NCALD: variants seen among roughly 807,000 people sequenced by gnomAD.
The protein encoded by NCALD is neurocalcin-delta.
A neutral mutation model predicts 18.6 loss-of-function variants in NCALD; 10 were observed. The observed-to-expected ratio is 0.54, with a 90% CI of 0.33 to 0.91. The LOEUF (loss-of-function observed/expected upper bound fraction) is 0.91, where lower values mean the gene tolerates loss of function less well. Ranked by LOEUF, NCALD falls within the 40% of genes least tolerant of loss-of-function variation. The pLI, the probability that NCALD is intolerant of heterozygous loss-of-function variation, is 0.03. For synonymous variants in NCALD, 88 were observed against 87.4 expected (o/e 1.01, Z -0.04); for missense variants, 184 against 247.6 (o/e 0.74, Z 1.72).
intron 2 of NCALD, among the ~76,000 whole-genome samples, chr8:101,706,333 A>G (rs1586255788): frequency 6.7e-6 from 1 of 149,230 alleles, no homozygotes; most frequent in African/African-American, 2.5e-5. Flanking sequence ...AAAAAAAGGG[A>G]GTGGTGGGGA....
At chr8:101,787,543 A>C (rs558549108) in intron 1 of NCALD, among the ~76,000 whole-genome samples, 4 of 152,178 alleles carry the variant, frequency 2.6e-5, no homozygotes, top group Non-Finnish European at 5.9e-5. Context: ...GACCAACTGC[A>C]AAGTTACGCT....
chr8:101,911,291 G>T (rs994188962), intron 3 of NCALD, among the ~76,000 whole-genome samples: 2 of 150,250 alleles, frequency 1.3e-5, no homozygotes. Context: ...AGAGGAGAAG[G>T]GGGGAGAAGG....
chr8:102,051,459 T>A (rs969861520), intron 1 of NCALD, among the ~76,000 whole-genome samples: 1 of 152,178 alleles, frequency 6.6e-6, no homozygotes, highest in African/African-American at 2.4e-5. Flanking sequence ...CAGTTTCTAA[T>A]CCTGTCAATT....
intron 2 of NCALD, among the ~76,000 whole-genome samples, chr8:101,707,063 G>T (rs1388681600): frequency 6.6e-6 from 1 of 152,166 alleles, no homozygotes; most frequent in Non-Finnish European, 1.5e-5. Context: ...AATTACTCAG[G>T]GTTTGGAGCT....
intron 2 of NCALD, among the ~76,000 whole-genome samples, chr8:101,703,954 G>A (rs1815391071): frequency 6.6e-6 from 1 of 152,124 alleles, no homozygotes; most frequent in African/African-American, 2.4e-5. Flanking sequence ...AGGAAAGACT[G>A]CCTGGCCCTC....
At chr8:101,766,015 G>A (rs1278733564) in intron 1 of NCALD, among the ~76,000 whole-genome samples, 1 of 152,134 alleles carries the variant, frequency 6.6e-6, no homozygotes, top group East Asian at 1.9e-4. Flanking sequence ...CTCAGTGGAG[G>A]CCACTGATGA....
At chr8:101,911,292 G>T (rs1029556530) in intron 3 of NCALD, among the ~76,000 whole-genome samples, 6 of 150,466 alleles carry the variant, frequency 4.0e-5, no homozygotes, top group Admixed American at 2.6e-4. Flanking sequence ...GAGGAGAAGG[G>T]GGGAGAAGGA....
intron 4 of NCALD, among the ~76,000 whole-genome samples, chr8:101,871,404 T>C (rs545649554): frequency 3.3e-5 from 5 of 152,256 alleles, no homozygotes; most frequent in Non-Finnish European, 5.9e-5. Flanking sequence ...TCCCTCCTCC[T>C]AATCAAAATT....
chr8:101,767,429 T>A (rs1481044490), intron 1 of NCALD, among the ~76,000 whole-genome samples: 3 of 152,136 alleles, frequency 2.0e-5, no homozygotes, highest in African/African-American at 7.2e-5. Context: ...AGGATGACAA[T>A]AAAGTAGACT....
chr8:101,919,864 T>C (rs1336945653), intron 2 of NCALD, among the ~76,000 whole-genome samples: 1 of 152,148 alleles, frequency 6.6e-6, no homozygotes, highest in Non-Finnish European at 1.5e-5. Context: ...ATGGCTATTA[T>C]TAAGAAGTCA....
At chr8:101,765,311 T>C (rs1206424060) in intron 1 of NCALD, among the ~76,000 whole-genome samples, 1 of 152,110 alleles carries the variant, frequency 6.6e-6, no homozygotes, top group Admixed American at 6.6e-5. Context: ...TTCATAAATA[T>C]TTGCTGTTCC....
Position 101,903,557 on chromosome 8 carries a change from CTG to C in NCALD, c.-107+12250_-107+12251del, listed in dbSNP as rs1314300226. On this transcript the variant is annotated intron_variant, in intron 3 of 6. Transcript: ENST00000311028. ...GCGAGAGCGAGGGAGAGAATGAGGA[CTG>C]TAGAGAAGTTGGAAATGTTGCTGTT... 2.0e-5 allele frequency among the ~76,000 whole-genome samples: 3 copies of C among 152,132 alleles called. No homozygotes were observed. In the East Asian group the frequency reaches 5.8e-4, roughly 29 times the overall value.
At chr8:101,761,695 T>A (rs563887319) in intron 1 of NCALD, among the ~76,000 whole-genome samples, 1 of 152,326 alleles carries the variant, frequency 6.6e-6, no homozygotes, top group East Asian at 1.9e-4. Context: ...TTTCCCAGTA[T>A]TCAATCTCCC....
chr8:102,069,080 T>C (rs1339961313), intron 1 of NCALD, among the ~76,000 whole-genome samples: 2 of 152,066 alleles, frequency 1.3e-5, no homozygotes, highest in African/African-American at 4.8e-5. Flanking sequence ...GGGTGCAAAG[T>C]TTCAGTTAGA....
chr8:101,761,028 C>CG (rs1398942872), intron 1 of NCALD, among the ~76,000 whole-genome samples: 2 of 94,604 alleles, frequency 2.1e-5, no homozygotes, highest in African/African-American at 8.8e-5. Flanking sequence ...CGGGTGGGGG[C>CG]GGGGGGAGGG....
At chr8:101,766,060 G>A (rs1042980960) in intron 1 of NCALD, among the ~76,000 whole-genome samples, 2 of 152,044 alleles carry the variant, frequency 1.3e-5, no homozygotes, top group Admixed American at 6.6e-5. Context: ...TCCCTTGCCC[G>A]CAACCCACCA....
intron 1 of NCALD, among the ~76,000 whole-genome samples, chr8:102,084,298 C>T (rs1824659220): frequency 6.6e-6 from 1 of 152,228 alleles, no homozygotes; most frequent in South Asian, 2.1e-4. Context: ...GAGTCTGCAG[C>T]AACTTCACTT....
intron 2 of NCALD, among the ~76,000 whole-genome samples, chr8:101,935,209 C>T (rs971489247): frequency 2.0e-5 from 3 of 151,860 alleles, no homozygotes; most frequent in African/African-American, 7.2e-5. Flanking sequence ...AAATTTCAGA[C>T]GATTAATATA....
intron 1 of NCALD, among the ~76,000 whole-genome samples, chr8:101,762,554 C>A (rs1811155929): frequency 6.6e-6 from 1 of 151,334 alleles, no homozygotes; most frequent in Non-Finnish European, 1.5e-5. Context: ...TATAAATCAG[C>A]ACTGGTCTAC....
Sources: allele counts gnomAD v4.1 joint callset (sites outside exome capture counted in the v4.1 genomes callset), GRCh38; gene constraint gnomAD v4.1.1; transcripts MANE v1.5; gene names NCBI Gene and HGNC (gene_info 2026-07-23, HGNC 2026-07-21).